Variants in HMCN1 observed in about 807,000 individuals in gnomAD.
HMCN1 encodes hemicentin 1.
In HMCN1, 321 loss-of-function variants were observed where a neutral mutation model predicts 625.9. The ratio of observed to expected loss-of-function variants is 0.51; its 90% CI spans 0.47 to 0.56. HMCN1 has a LOEUF of 0.56. Ranked by LOEUF, HMCN1 falls within the 20% of genes least tolerant of loss-of-function variation. The pLI is 0.00. For synonymous variants in HMCN1, 2,425 were observed against 2,417.6 expected (o/e 1.00, Z -0.09); for missense variants, 6,588 against 6,887.3 (o/e 0.96, Z 1.54).
chr1:185,935,680 T>C (rs1481982097), intron 11 of HMCN1, among the ~76,000 whole-genome samples: 1 of 152,172 alleles, frequency 6.6e-6, no homozygotes, highest in Admixed American at 6.5e-5. Context: ...ATGGCCTGTC[T>C]AGTTGGCCTT....
At position 186,067,692 on chromosome 1, in the gene HMCN1, TAAA is replaced by T. The variant is rs1246107124; in HGVS notation, c.7706-140_7706-138del. ...TTTTTTAAGGGATCACTCTTTTGTG[TAAA>T]ATAATAATAATAATAATAATTTGTT... On this transcript the variant is annotated intron_variant, in intron 49 of 106. Coordinates refer to ENST00000271588, the MANE Select transcript of HMCN1 (RefSeq NM_031935.3). 3 of 615,294 alleles carry T rather than the reference TAAA, an allele frequency of 4.9e-6. 1 individual carries two copies. In the African/African-American group the frequency reaches 5.5e-5, roughly 11 times the overall value. 38.1% of individuals were successfully genotyped at this position (615,294 alleles called of 1,614,324 possible).
chr1:185,980,414 C>G (rs74134249), intron 16 of HMCN1, among the ~76,000 whole-genome samples: 4,682 of 152,294 alleles, frequency 0.031, 250 homozygotes, highest in African/African-American at 0.11. Context: ...TAGTTACAAA[C>G]AAAGTTATGA....
At chr1:186,122,296 T>C (rs1661431870) in intron 80 of HMCN1, among the ~76,000 whole-genome samples, 1 of 152,230 alleles carries the variant, frequency 6.6e-6, no homozygotes, top group African/African-American at 2.4e-5. Flanking sequence ...TTATTTCATA[T>C]GCCTTTTTAT....
intron 68 of HMCN1, among the ~76,000 whole-genome samples, chr1:186,097,515 A>G (rs1660190073): frequency 6.6e-6 from 1 of 151,122 alleles, no homozygotes; most frequent in Non-Finnish European, 1.5e-5. Flanking sequence ...AAAAAAAAAG[A>G]TATGTAAGAA....
chr1:186,132,679 G>A (rs1428384372), intron 86 of HMCN1, among the ~76,000 whole-genome samples: 1 of 151,542 alleles, frequency 6.6e-6, no homozygotes, highest in Non-Finnish European at 1.5e-5. Flanking sequence ...TTAAGTTTTA[G>A]GGTACATGTG....
At chr1:186,066,136 T>G (rs1003390358) in intron 49 of HMCN1, among the ~76,000 whole-genome samples, 1 of 152,192 alleles carries the variant, frequency 6.6e-6, no homozygotes, top group Admixed American at 6.5e-5. Flanking sequence ...GGGAGCTATA[T>G]GTGCAAGAAA....
chr1:186,178,738 C>T lies in HMCN1; in HGVS notation c.16266C>T (p.Gly5422=). Residue 5422 remains glycine, a synonymous_variant, in exon 104 of 107, where the codon GGC becomes GGT. Coordinates refer to ENST00000271588, the MANE Select transcript of HMCN1 (RefSeq NM_031935.3). The part of the protein sequence containing the change: ...RRTIRKTCPE[G]SEASHDTCVD... The stretch of plus-strand genomic sequence containing the variant: ...CTATTAGGAAAACTTGCCCTGAAGG[C>T]TCTGAGGCAAGCCATGACACATGTG... 6.2e-7 allele frequency: 1 copy of T among 1,613,376 alleles called. No individual in the cohort carries two copies. Among genetic ancestry groups the T allele is most frequent in the Non-Finnish European group, 8.5e-7 (1 of 1,179,302 alleles).
intron 16 of HMCN1, 119 bp downstream of exon 16, chr1:185,978,100 C>T: frequency 2.7e-6 from 2 of 728,386 alleles, no homozygotes; most frequent in Non-Finnish European, 4.5e-6. Context: ...ATTTTATGTT[C>T]ATTGCATTTT....
At chr1:185,816,768 C>T (rs1048140910) in intron 1 of HMCN1, among the ~76,000 whole-genome samples, 1 of 152,196 alleles carries the variant, frequency 6.6e-6, no homozygotes, top group Admixed American at 6.5e-5. Context: ...GAATTGTATA[C>T]TTCCTTGGGT....
chr1:186,151,896 C>T (rs532615507), intron 95 of HMCN1, among the ~76,000 whole-genome samples, 153 bp downstream of exon 95: 6 of 152,298 alleles, frequency 3.9e-5, no homozygotes, highest in African/African-American at 1.4e-4. Flanking sequence ...TTCCTGTAAA[C>T]TTGTACTAAC....
At chr1:186,164,091 C>T (rs1651709323) in intron 97 of HMCN1, among the ~76,000 whole-genome samples, 1 of 152,158 alleles carries the variant, frequency 6.6e-6, no homozygotes, top group Admixed American at 6.5e-5. Flanking sequence ...GTGCAATGAT[C>T]ACTTAGCAAT....
chr1:185,824,084 A>T (rs1195213291), intron 1 of HMCN1, among the ~76,000 whole-genome samples: 1 of 152,110 alleles, frequency 6.6e-6, no homozygotes, highest in Non-Finnish European at 1.5e-5. Flanking sequence ...GACTTAGATG[A>T]TAGGATATTT....
chr1:186,007,017 A>G, intron 29 of HMCN1, 111 bp from the exon 30 acceptor site: 1 of 840,564 alleles, frequency 1.2e-6, no homozygotes, highest in South Asian at 1.5e-5. Flanking sequence ...TTTATTTTTT[A>G]AATTAACTTT....
At chr1:185,814,267 G>A (rs979353838) in intron 1 of HMCN1, among the ~76,000 whole-genome samples, 1 of 152,018 alleles carries the variant, frequency 6.6e-6, no homozygotes, top group African/African-American at 2.4e-5. Flanking sequence ...TGACTTAAAT[G>A]TTTTATTCCC....
intron 4 of HMCN1, among the ~76,000 whole-genome samples, chr1:185,882,508 T>C (rs954264025): frequency 4.6e-5 from 7 of 152,080 alleles, no homozygotes; most frequent in African/African-American, 1.7e-4. Context: ...GACAAAAGTA[T>C]CCTGTTTTTT....
rs542972080 is a variant in HMCN1 at position 186,106,615 on chromosome 1, T to A, written c.10771-269T>A. 3.4e-4 allele frequency among the ~76,000 whole-genome samples: 52 copies of A among 152,336 alleles called. 2 individuals are homozygous for A. In the South Asian group the frequency reaches 0.011, roughly 31 times the overall value. On this transcript the variant is annotated intron_variant, in intron 69 of 106. Coordinates refer to ENST00000271588, the MANE Select transcript of HMCN1 (RefSeq NM_031935.3). ...CTATCACATATGGTTCTAGGTCCTA[T>A]ATATATCTGCCTTTTTAGATATCAT...
At chr1:186,024,389 G>C (rs1571734159) in intron 36 of HMCN1, among the ~76,000 whole-genome samples, 2 of 152,228 alleles carry the variant, frequency 1.3e-5, no homozygotes, top group East Asian at 1.9e-4. Flanking sequence ...AGTATGCTGG[G>C]GGGGATTCTC....
chr1:185,820,791 G>A (rs1293507292), intron 1 of HMCN1, among the ~76,000 whole-genome samples: 1 of 152,104 alleles, frequency 6.6e-6, no homozygotes, highest in African/African-American at 2.4e-5. Context: ...TTTTAGTGGT[G>A]TATAGCAATA....
chr1:185,805,263 A>G (rs1488983027), intron 1 of HMCN1, among the ~76,000 whole-genome samples: 1 of 152,200 alleles, frequency 6.6e-6, no homozygotes, highest in Non-Finnish European at 1.5e-5. Flanking sequence ...GCAACATTTT[A>G]AATTTTATTT....
Sources: allele counts gnomAD v4.1 joint callset (sites outside exome capture counted in the v4.1 genomes callset), GRCh38; gene constraint gnomAD v4.1.1; transcripts MANE v1.5; gene names NCBI Gene and HGNC (gene_info 2026-07-23, HGNC 2026-07-21).